The following TBL1XR1 variants were observed in gnomAD, a reference collection of about 807,000 sequenced individuals.
TBL1XR1 encodes TBL1X/Y related 1, also known as F-box-like/WD repeat-containing protein TBL1XR1.
Under a neutral mutation model 66.9 loss-of-function variants are expected in TBL1XR1, and 5 were observed. That is an observed-to-expected ratio of 0.07 (90% CI 0.04 to 0.16). TBL1XR1 has a LOEUF of 0.16. Ranked by LOEUF, TBL1XR1 falls within the 10% of genes least tolerant of loss-of-function variation. TBL1XR1 has a pLI of 1.00. For synonymous variants in TBL1XR1, 210 were observed against 206.0 expected (o/e 1.02, Z -0.17); for missense variants, 238 against 623.2 (o/e 0.38, Z 6.58).
intron 10 of TBL1XR1, chr3:177,044,934 C>G (rs1310754785): frequency 6.6e-6 from 1 of 151,886 alleles, no homozygotes. Context: ...AGCCAAGAAG[C>G]CTGAGAGAAT....
intron 1 of TBL1XR1, among the ~76,000 whole-genome samples, chr3:177,139,722 T>A (rs1380382391): frequency 1.3e-5 from 2 of 151,502 alleles, no homozygotes; most frequent in Admixed American, 6.6e-5. Flanking sequence ...AACATTTACT[T>A]ACAACGTAAG....
intron 1 of TBL1XR1, among the ~76,000 whole-genome samples, chr3:177,155,150 A>ATT (rs941848429): frequency 6.6e-6 from 1 of 152,234 alleles, no homozygotes; most frequent in African/African-American, 2.4e-5. Flanking sequence ...AACAAAACGA[A>ATT]TTTGAGATCA....
intron 1 of TBL1XR1, among the ~76,000 whole-genome samples, chr3:177,176,532 G>A (rs1030923409): frequency 2.0e-5 from 3 of 150,914 alleles, no homozygotes; most frequent in African/African-American, 7.3e-5. Flanking sequence ...TTTGATTATG[G>A]CTGGGCAAGC....
chr3:177,171,747 AAAG>A lies in TBL1XR1; in HGVS notation c.-122+25371_-122+25373del, dbSNP rs1288700987. ...AAAAAAGTTTGCTGTGATTCCGAAA[AAAG>A]AAATCCAGGGCTTTTTGGAGAAATG... On this transcript the variant is annotated intron_variant, in intron 1 of 15. Coordinates refer to ENST00000457928, the MANE Select transcript of TBL1XR1 (RefSeq NM_024665.7). Among the ~76,000 whole-genome samples the A allele has an allele frequency of 2.0e-5, 3 of 151,842 alleles. No individual in the cohort carries two copies. In the East Asian group the frequency reaches 5.8e-4, roughly 29 times the overall value.
At chr3:177,147,108 G>A (rs1000868713) in intron 1 of TBL1XR1, among the ~76,000 whole-genome samples, 7 of 151,028 alleles carry the variant, frequency 4.6e-5, no homozygotes, top group East Asian at 3.9e-4. Flanking sequence ...GTGCAATGGC[G>A]TGATTTTGGC....
chr3:177,047,318 T>C lies in TBL1XR1; in HGVS notation c.846A>G (p.Leu282=), dbSNP rs1004991559. 1.9e-6 allele frequency: 3 copies of C among 1,562,590 alleles called. No homozygotes were observed. Among genetic ancestry groups the C allele is most frequent in the African/African-American group, 2.7e-5 (2 of 73,820 alleles). ...CTTTTACCTTGTCTACTCCAGCACTTAGGATGAAATTTCCTTTCTTATTCC... is the reference window on the plus strand; with the variant it reads ...CTTTTACCTTGTCTACTCCAGCACTCAGGATGAAATTTCCTTTCTTATTCC... ...LKWNKKGNFI[L]SAGVDKTTII... The change falls in exon 9 of 16, where the codon CTA becomes CTG. Residue 282 remains leucine, a synonymous_variant. Coordinates refer to ENST00000457928, the MANE Select transcript of TBL1XR1 (RefSeq NM_024665.7).
chr3:177,052,230 A>C (rs1490477991), intron 4 of TBL1XR1, among the ~76,000 whole-genome samples: 1 of 152,224 alleles, frequency 6.6e-6, no homozygotes, highest in African/African-American at 2.4e-5. Flanking sequence ...AATATTAGGG[A>C]GTTATTAAAA....
intron 1 of TBL1XR1, among the ~76,000 whole-genome samples, chr3:177,176,045 C>A (rs1292132982): frequency 2.8e-5 from 4 of 143,790 alleles, no homozygotes; most frequent in African/African-American, 5.2e-5. Context: ...GGCAACAGAG[C>A]GAGACTCTGT....
chr3:177,114,783 C>T (rs1726099738), intron 1 of TBL1XR1, among the ~76,000 whole-genome samples: 1 of 151,662 alleles, frequency 6.6e-6, no homozygotes, highest in African/African-American at 2.4e-5. Flanking sequence ...CGAGACAAGT[C>T]TGGGCAACAC....
chr3:177,168,384 C>A (rs188439022), intron 1 of TBL1XR1, among the ~76,000 whole-genome samples: 1 of 151,798 alleles, frequency 6.6e-6, no homozygotes, highest in South Asian at 2.1e-4. Context: ...CGCATTCAAG[C>A]GATTCTCCTG....
chr3:177,106,928 T>C (rs995992526), intron 1 of TBL1XR1, among the ~76,000 whole-genome samples: 1 of 145,826 alleles, frequency 6.9e-6, no homozygotes, highest in Non-Finnish European at 1.5e-5. Flanking sequence ...AAAAAAAAAA[T>C]TATCATTTAT....
intron 3 of TBL1XR1, among the ~76,000 whole-genome samples, chr3:177,062,817 G>A (rs1718688363): frequency 6.6e-6 from 1 of 151,824 alleles, no homozygotes; most frequent in Non-Finnish European, 1.5e-5. Flanking sequence ...AATTTTGAAG[G>A]GTTTTTTCTC....
chr3:177,048,243 T>TGCA (rs1389267121), intron 7 of TBL1XR1, among the ~76,000 whole-genome samples: 1 of 152,206 alleles, frequency 6.6e-6, no homozygotes, highest in Non-Finnish European at 1.5e-5. Flanking sequence ...TCCCTTGCTG[T>TGCA]GCACCTTGCC....
intron 1 of TBL1XR1, among the ~76,000 whole-genome samples, chr3:177,156,518 T>TACACACATAC (rs1553858991): frequency 7.9e-5 from 11 of 139,706 alleles, no homozygotes; most frequent in African/African-American, 2.9e-4. Flanking sequence ...TATATATACA[T>TACACACATAC]ACACACACAC....
chr3:177,027,406 T>G (rs1713297592), intron 14 of TBL1XR1: 3 of 152,264 alleles, frequency 2.0e-5, no homozygotes. Context: ...TGTAACAACG[T>G]TATTTTATTA....
chr3:177,102,996 T>A (rs2108683913), intron 1 of TBL1XR1, among the ~76,000 whole-genome samples: 1 of 152,344 alleles, frequency 6.6e-6, no homozygotes, highest in Admixed American at 6.5e-5. Context: ...GAATAATGCC[T>A]TGAACATACA....
intron 2 of TBL1XR1, among the ~76,000 whole-genome samples, chr3:177,084,151 T>C (rs1183729249): frequency 1.3e-5 from 2 of 150,704 alleles, no homozygotes. Flanking sequence ...AACGGACATA[T>C]ACTGGCTATA....
chr3:177,095,547 G>A (rs908914600), intron 2 of TBL1XR1, among the ~76,000 whole-genome samples: 1 of 150,650 alleles, frequency 6.6e-6, no homozygotes, highest in Non-Finnish European at 1.5e-5. Context: ...CTGGAGTGCA[G>A]TGGCTTACTG....
chr3:177,114,660 T>G (rs1299313420), intron 1 of TBL1XR1, among the ~76,000 whole-genome samples: 1 of 151,412 alleles, frequency 6.6e-6, no homozygotes, highest in Non-Finnish European at 1.5e-5. Flanking sequence ...CGTATGTCAC[T>G]TTTTTAAAAT....
Sources: gnomAD v4.1 joint callset for allele counts (sites outside exome capture counted in the v4.1 genomes callset) on GRCh38, gnomAD v4.1.1 for gene constraint, MANE v1.5 for transcripts, NCBI Gene and HGNC (gene_info 2026-07-23, HGNC 2026-07-21) for gene names.